The following ERLEC1 variants were observed in gnomAD, a reference collection of about 807,000 sequenced individuals.
The protein encoded by ERLEC1 is ER lectin.
ERLEC1 carries 47 observed loss-of-function variants against 68.0 expected under a neutral mutation model. That is an observed-to-expected ratio of 0.69 (90% CI 0.55 to 0.88). The LOEUF is 0.88. ERLEC1 is among the 40% of genes least tolerant of loss of function. The pLI, the probability that ERLEC1 is intolerant of heterozygous loss-of-function variation, is 0.00. For missense variants in ERLEC1, 567 were observed against 583.8 expected (o/e 0.97, Z 0.30); for synonymous variants, 225 against 203.2 (o/e 1.11, Z -0.91).
chr2:53,794,732 G>A (rs183375859), intron 2 of ERLEC1, among the ~76,000 whole-genome samples: 400 of 152,232 alleles, frequency 2.6e-3, no homozygotes, highest in African/African-American at 8.9e-3. Flanking sequence ...TTGGCTCACT[G>A]CAACCTCCGA....
intron 10 of ERLEC1, among the ~76,000 whole-genome samples, chr2:53,811,508 A>G (rs1341999060): frequency 6.7e-6 from 1 of 149,352 alleles, no homozygotes; most frequent in Non-Finnish European, 1.5e-5. Flanking sequence ...GGAACTTTCT[A>G]GGGAACTCTG....
intron 8 of ERLEC1, among the ~76,000 whole-genome samples, chr2:53,803,536 G>A (rs1191234544): frequency 6.6e-6 from 1 of 151,498 alleles, no homozygotes; most frequent in East Asian, 1.9e-4. Flanking sequence ...GGCCGAGGCA[G>A]GAGGATTGCT....
intron 6 of ERLEC1, among the ~76,000 whole-genome samples, chr2:53,800,860 C>T (rs17522496): frequency 0.1 from 15,541 of 151,886 alleles, 1,052 homozygotes; most frequent in Middle Eastern, 0.21. Flanking sequence ...ATATTAAAAA[C>T]GGGGAAGAAG....
At chr2:53,812,685 G>C (rs938216465) in intron 10 of ERLEC1, among the ~76,000 whole-genome samples, 1 of 152,128 alleles carries the variant, frequency 6.6e-6, no homozygotes, top group Non-Finnish European at 1.5e-5. Flanking sequence ...ACCTGTAGAA[G>C]AGAAAAAGAG....
At position 53,787,573 on chromosome 2, in the gene ERLEC1, A is replaced by G. The variant is rs150131067; in HGVS notation, c.162+201A>G. On this transcript the variant is annotated intron_variant, in intron 1 of 13. Transcript: ENST00000185150. Reference sequence around the variant, plus strand: ...GGATGCGTCCCCCTTGCTGAGCATTAGGGATCCAGCAATCACCTGCTCTCC... The same window carrying G: ...GGATGCGTCCCCCTTGCTGAGCATTGGGGATCCAGCAATCACCTGCTCTCC... The G allele has an allele frequency of 3.5e-4, 182 of 514,008 alleles. 1 individual carries two copies. Among genetic ancestry groups the G allele is most frequent in the African/African-American group, 3.3e-3 (170 of 51,652 alleles). The allele number at this position is 514,008 out of a possible 1,614,324, so 31.8% of individuals were successfully genotyped here.
chr2:53,812,069 C>T (rs1394735215), intron 10 of ERLEC1, among the ~76,000 whole-genome samples: 3 of 152,190 alleles, frequency 2.0e-5, no homozygotes, highest in African/African-American at 7.2e-5. Flanking sequence ...AGGCATGCGC[C>T]AGCACGCCCG....
Position 53,794,374 on chromosome 2 carries a change from T to C in ERLEC1, c.192T>C (p.Asp64=). Residue 64 remains aspartate (D), a synonymous_variant, in exon 2 of 14, where the codon GAT becomes GAC. Coordinates refer to ENST00000185150, the MANE Select transcript of ERLEC1 (RefSeq NM_015701.5). ...LPTTGVLYKE[D]NYVIMTTAHK... ...CAACTGGAGTTTTATATAAAGAAGA[T>C]AATTATGTCATCATGACAACTGCAC... The C allele has an allele frequency of 1.9e-6, 3 of 1,576,270 alleles. No individual in the cohort carries two copies. The highest frequency in any genetic ancestry group is 2.6e-6 in the Non-Finnish European group (3 of 1,157,232).
Position 53,787,247 on chromosome 2 carries a change from C to T in ERLEC1, c.37C>T (p.Pro13Ser). Residue 13 changes from proline to serine, a missense_variant, in exon 1 of 14, where the codon CCG becomes TCG. Coordinates refer to ENST00000185150, the MANE Select transcript of ERLEC1 (RefSeq NM_015701.5). ...AGGCGGCGGCGTACGGAGTCTGGTC[C>T]CGGGCGGGCCGGTGTTACTGGTCCT... ...EGGGGVRSLV[P>S]GGPVLLVLCG... The T allele has an allele frequency of 1.2e-6, 2 of 1,606,838 alleles. No individual in the cohort carries two copies. Among genetic ancestry groups the T allele is most frequent in the South Asian group, 1.1e-5 (1 of 91,036 alleles).
chr2:53,790,038 A>T (rs1573060102), intron 1 of ERLEC1, among the ~76,000 whole-genome samples: 1 of 150,996 alleles, frequency 6.6e-6, no homozygotes, highest in African/African-American at 2.4e-5. Context: ...AAAAGAAAAG[A>T]AAAGAAACCA....
In ERLEC1 at chr2:53,801,318, GAAT is replaced by G. The variant is rs150654834; in HGVS notation, c.526-73_526-71del. Reference sequence around the variant, plus strand: ...GTAAAATGTAGTTTTCTTCCTTTCAGAATAATAAGTTCCTCTCCCACCCCCAGT... The same window carrying G: ...GTAAAATGTAGTTTTCTTCCTTTCAGAATAAGTTCCTCTCCCACCCCCAGT... On this transcript the variant is annotated intron_variant, in intron 6 of 13. Transcript: ENST00000185150. 1.8e-3 allele frequency: 1,713 copies of G among 975,660 alleles called. 19 individuals are homozygous for G. The African/African-American group carries it at 0.024, about 14-fold the overall frequency. 60.4% of individuals were successfully genotyped at this position (975,660 alleles called of 1,614,324 possible).
intron 1 of ERLEC1, among the ~76,000 whole-genome samples, chr2:53,789,336 C>G (rs1320223356): frequency 1.4e-4 from 20 of 142,790 alleles, no homozygotes; most frequent in African/African-American, 5.0e-4. Context: ...GGAGGTTGCA[C>G]TGAGCCAAGA....
chr2:53,791,744 C>A (rs1427436014), intron 1 of ERLEC1, among the ~76,000 whole-genome samples: 1 of 152,010 alleles, frequency 6.6e-6, no homozygotes, highest in East Asian at 1.9e-4. Flanking sequence ...ACATTTGAAG[C>A]ATTTTGGAGA....
intron 11 of ERLEC1, 40 bp downstream of exon 11, chr2:53,813,113 C>A (rs201332610): frequency 6.3e-7 from 1 of 1,580,720 alleles, no homozygotes; most frequent in Non-Finnish European, 8.5e-7. Flanking sequence ...CTAATTACTA[C>A]AATTTCTAAA....
chr2:53,812,903 T>C, intron 10 of ERLEC1, 46 bp from the exon 11 acceptor site: 1 of 1,594,092 alleles, frequency 6.3e-7, no homozygotes, highest in Admixed American at 1.9e-5. Flanking sequence ...AATATCTACT[T>C]GATGATATCA....
chr2:53,818,020 T>C lies in ERLEC1; in HGVS notation c.*51T>C, dbSNP rs770224469. ...AAGATCATTGAAAGTCATGATAATT[T>C]CTGTCCCACTGTGTCTCATTATAGA... On this transcript the variant is annotated 3_prime_UTR_variant, in exon 14 of 14. Transcript: ENST00000185150. 2 of 1,149,906 alleles carry C rather than the reference T, an allele frequency of 1.7e-6. No individual in the cohort carries two copies. The highest frequency in any genetic ancestry group is 2.6e-6 in the Non-Finnish European group (2 of 758,968). 71.2% of individuals were successfully genotyped at this position (1,149,906 alleles called of 1,614,324 possible).
intron 10 of ERLEC1, among the ~76,000 whole-genome samples, chr2:53,810,522 T>TG (rs1303074021): frequency 1.3e-5 from 2 of 152,336 alleles, no homozygotes; most frequent in East Asian, 3.9e-4. Flanking sequence ...TGCTAGGTAT[T>TG]GAAGACAAGC....
chr2:53,788,366 G>A (rs1417189531), intron 1 of ERLEC1, among the ~76,000 whole-genome samples: 1 of 151,978 alleles, frequency 6.6e-6, no homozygotes, highest in Admixed American at 6.6e-5. Context: ...AAGTGTTAGG[G>A]GTTTTTTGGT....
At chr2:53,790,358 A>G (rs982500823) in intron 1 of ERLEC1, among the ~76,000 whole-genome samples, 1 of 152,078 alleles carries the variant, frequency 6.6e-6, no homozygotes, top group Non-Finnish European at 1.5e-5. Flanking sequence ...TCGGCCTCCC[A>G]AAGTGCTGGG....
Position 53,790,901 on chromosome 2 carries a change from CGTT to C in ERLEC1, c.163-3443_163-3441del, listed in dbSNP as rs1675358328. On this transcript the variant is annotated intron_variant, in intron 1 of 13. Transcript: ENST00000185150. ...TTTCCTTCTGAAGTATCACCTCTGTCGTTATGTTTAATTATTCATTACTTTATA... is the reference window on the plus strand; with the variant it reads ...TTTCCTTCTGAAGTATCACCTCTGTCATGTTTAATTATTCATTACTTTATA... Among the ~76,000 whole-genome samples the C allele has an allele frequency of 3.3e-5, 5 of 152,172 alleles. No individual in the cohort carries two copies. The South Asian group carries it at 1.0e-3, about 32-fold the overall frequency.
Sources: gnomAD v4.1 joint callset for allele counts (sites outside exome capture counted in the v4.1 genomes callset) on GRCh38, gnomAD v4.1.1 for gene constraint, MANE v1.5 for transcripts, NCBI Gene and HGNC (gene_info 2026-07-23, HGNC 2026-07-21) for gene names.